The following MORN2 variants were observed in gnomAD, a reference collection of about 807,000 sequenced individuals.
MORN2 encodes the protein MORN repeat-containing protein 2.
A neutral mutation model predicts 13.4 loss-of-function variants in MORN2; 15 were observed. The observed-to-expected ratio is 1.12, with a 90% confidence interval of 0.75 to 1.72. MORN2 has a LOEUF of 1.72. MORN2 is among the 40% of genes most tolerant of loss of function. The pLI is 0.00. For synonymous variants in MORN2, 46 were observed against 43.6 expected, an observed-to-expected ratio of 1.06 and a Z score of -0.22; for missense variants, 168 against 134.6, an observed-to-expected ratio of 1.25 and a Z score of -1.23.
intron 1 of MORN2, among the ~76,000 whole-genome samples, chr2:38,877,013 G>A (rs1388613343): frequency 6.6e-6 from 1 of 152,234 alleles, no homozygotes. Flanking sequence ...ATGAATAGCA[G>A]TTAACCAGGT....
At chr2:38,878,297 G>A (rs1665701345) in intron 1 of MORN2, among the ~76,000 whole-genome samples, 1 of 152,060 alleles carries the variant, frequency 6.6e-6, no homozygotes, top group Non-Finnish European at 1.5e-5. Flanking sequence ...AGCCTAGCTG[G>A]CCTTTGGTCT....
At position 38,880,672 on chromosome 2, in the gene MORN2, G is replaced by T. The variant is rs980754453; in HGVS notation, c.182G>T (p.Gly61Val). 1.9e-6 allele frequency: 3 copies of T among 1,549,742 alleles called. No homozygotes were observed. In the Admixed American group the frequency reaches 5.9e-5, roughly 30 times the overall value. ...ATAGGTATTCATACCACTCCTAATG[G>T]GATTGTCTACACAGGAAGCTGGAAA... Residue 61 changes from glycine (G) to valine (V), a missense_variant, in exon 3 of 5, where the codon GGG becomes GTG. Gly to Val is a moderately radical substitution (Grantham distance 109). Coordinates refer to ENST00000644631, the MANE Select transcript of MORN2 (RefSeq NM_001145450.3).
chr2:38,877,145 A>G (rs910575503), intron 1 of MORN2, among the ~76,000 whole-genome samples: 2 of 152,172 alleles, frequency 1.3e-5, no homozygotes, highest in African/African-American at 4.8e-5. Flanking sequence ...TGACGCCTGT[A>G]GTTCCAGCTA....
At chr2:38,882,306 A>G in intron 4 of MORN2, 107 bp from the exon 5 acceptor site, 1 of 428,588 alleles carries the variant, frequency 2.3e-6, no homozygotes, top group Non-Finnish European at 3.8e-6. Flanking sequence ...GCTTGAAAGT[A>G]GAGGATATAA....
intron 2 of MORN2, 77 bp from the exon 3 acceptor site, chr2:38,880,523 C>T (rs1176700896): frequency 1.2e-6 from 1 of 867,520 alleles, no homozygotes; most frequent in Non-Finnish European, 1.7e-6. Context: ...GCCAAAGAAA[C>T]CCATGAGGTG....
chr2:38,881,658 A>G (rs1665780638), intron 4 of MORN2, 80 bp downstream of exon 4: 4 of 1,128,096 alleles, frequency 3.5e-6, no homozygotes, highest in South Asian at 3.6e-5. Context: ...TTATTTATTT[A>G]TTTATTTATT....
In MORN2 at chr2:38,878,971, G is replaced by A. The variant is rs140639842; in HGVS notation, c.59-1208G>A. On this transcript the variant is annotated intron_variant, in intron 1 of 4. Coordinates refer to ENST00000644631, the MANE Select transcript of MORN2 (RefSeq NM_001145450.3). ...ATTCTGAAGGATGGGCCTGCATACC[G>A]TCTCTACATAAGTTTTCTTCAGTAT... Among the ~76,000 whole-genome samples the A allele has an allele frequency of 2.0e-3, 304 of 152,268 alleles. 2 individuals carry two copies. The highest frequency in any genetic ancestry group is 6.4e-3 in the African/African-American group (266 of 41,550).
rs1199254973 is a variant in MORN2, at chr2:38,882,403, A to C, written c.354-10A>C. The stretch of plus-strand genomic sequence containing the variant: ...TTTGTTAATGGAAAACTTATTTTCT[A>C]CTATTGCAGGGTGGAAGGTGAAGGG... On this transcript the variant is annotated splice_polypyrimidine_tract_variant and intron_variant, in intron 4 of 4. Transcript: ENST00000644631. 1.3e-6 allele frequency: 2 copies of C among 1,517,830 alleles called. No individual in the cohort carries two copies. Among genetic ancestry groups the C allele is most frequent in the Non-Finnish European group, 1.8e-6 (2 of 1,119,504 alleles). 94.0% of individuals were successfully genotyped at this position (1,517,830 alleles called of 1,614,324 possible). A position where few individuals can be genotyped will look rare whatever the true frequency, so the allele number is the denominator to read the frequency against.
At position 38,882,302 on chromosome 2, in the gene MORN2, A is replaced by G. The variant is rs180910017; in HGVS notation, c.354-111A>G. ...TGCTGGGTTTAAAAGCAAAGCTTGA[A>G]AGTAGAGGATATAATCTTCAGACAT... On this transcript the variant is annotated intron_variant, in intron 4 of 4. Coordinates refer to ENST00000644631, the MANE Select transcript of MORN2 (RefSeq NM_001145450.3). 353 of 461,360 alleles carry G rather than the reference A, an allele frequency of 7.7e-4. 3 individuals carry two copies. Among genetic ancestry groups the G allele is most frequent in the South Asian group, 8.3e-4 (10 of 12,060 alleles). 28.6% of individuals were successfully genotyped at this position (461,360 alleles called of 1,614,324 possible).
chr2:38,880,681 A>C lies in MORN2; in HGVS notation c.191A>C (p.Tyr64Ser). 1 of 1,550,226 alleles carries C rather than the reference A, an allele frequency of 6.5e-7. No homozygotes were observed. Among genetic ancestry groups the C allele is most frequent in the Non-Finnish European group, 8.7e-7 (1 of 1,146,836 alleles). ...CATACCACTCCTAATGGGATTGTCT[A>C]CACAGGAAGCTGGAAAGATGACAAG... is the stretch of plus-strand genomic sequence containing the variant. The change falls in exon 3 of 5, where the codon TAC becomes TCC. Residue 64 changes from tyrosine (Y) to serine (S), a missense_variant. Physicochemically the swap from Tyr to Ser is moderately radical, Grantham distance 144. Transcript: ENST00000644631.
Position 38,876,039 on chromosome 2 carries a change from TCCCGGCCGCAGA to T in MORN2, c.-13_-2del, listed in dbSNP as rs1297227289. ...GGAGCTGTCCTAGCGCCTAGTTCTC[TCCCGGCCGCAGA>T]GCTGGCCGCCCAGGGGGAGTCGCAG... On this transcript the variant is annotated 5_prime_UTR_variant, in exon 1 of 5. Coordinates refer to ENST00000644631, the MANE Select transcript of MORN2 (RefSeq NM_001145450.3). 1 of 398,570 alleles carries T rather than the reference TCCCGGCCGCAGA, an allele frequency of 2.5e-6. No homozygotes were observed. The highest frequency in any genetic ancestry group is 4.4e-6 in the Non-Finnish European group (1 of 226,142). 24.7% of individuals were successfully genotyped at this position (398,570 alleles called of 1,614,324 possible).
At chr2:38,877,694 T>C (rs1406130990) in intron 1 of MORN2, among the ~76,000 whole-genome samples, 1 of 152,170 alleles carries the variant, frequency 6.6e-6, no homozygotes, top group African/African-American at 2.4e-5. Context: ...TTGCCCAGGC[T>C]GGTCTCAAAC....
chr2:38,882,599 C>G lies in MORN2; in HGVS notation c.*84C>G, dbSNP rs1665803102. ...CAACTTAATCTGTTATTTGAAATGA[C>G]TTCATACACTACCCCTATAAGTTTG... is the stretch of plus-strand genomic sequence containing the variant. On this transcript the variant is annotated 3_prime_UTR_variant, in exon 5 of 5. Transcript: ENST00000644631. The G allele has an allele frequency of 4.3e-6, 4 of 923,550 alleles. No individual in the cohort carries two copies. The highest frequency in any genetic ancestry group is 6.7e-6 in the Non-Finnish European group (4 of 597,544). The allele number at this position is 923,550 out of a possible 1,614,324, so 57.2% of individuals were successfully genotyped here. A position where few individuals can be genotyped will look rare whatever the true frequency, so the allele number is the denominator to read the frequency against.
intron 1 of MORN2, among the ~76,000 whole-genome samples, chr2:38,876,848 T>C (rs1006312692): frequency 2.0e-5 from 3 of 152,230 alleles, no homozygotes; most frequent in Non-Finnish European, 4.4e-5. Context: ...GCTCATTTAC[T>C]TGATTTGCCC....
intron 1 of MORN2, among the ~76,000 whole-genome samples, chr2:38,879,131 C>T (rs1665720218): frequency 6.6e-6 from 1 of 152,130 alleles, no homozygotes; most frequent in African/African-American, 2.4e-5. Context: ...GTGGACCTAC[C>T]AGCCCTTCCC....
chr2:38,880,718 G>T lies in MORN2; in HGVS notation c.216+12G>T. The stretch of plus-strand genomic sequence containing the variant: ...GGAAAGATGACAAGGTATTATTGTT[G>T]TTTTTAATATTGGCAGTGGATAAAT... On this transcript the variant is annotated intron_variant, in intron 3 of 4. Transcript: ENST00000644631. The T allele has an allele frequency of 6.5e-7, 1 of 1,549,340 alleles. No homozygotes were observed. Among genetic ancestry groups the T allele is most frequent in the Non-Finnish European group, 8.7e-7 (1 of 1,146,464 alleles).
At chr2:38,879,056 C>G (rs1424650226) in intron 1 of MORN2, among the ~76,000 whole-genome samples, 1 of 152,148 alleles carries the variant, frequency 6.6e-6, no homozygotes, top group Non-Finnish European at 1.5e-5. Flanking sequence ...GGCCCAGAGT[C>G]CCCCTCAGTC....
Position 38,881,596 on chromosome 2 carries a change from A to G in MORN2, c.353+18A>G. ...GAAAATAGGTAAGCTTAAAATAAAAAAAAATCACTGCATTTCTAAAAGATT... is the reference window on the plus strand; with the variant it reads ...GAAAATAGGTAAGCTTAAAATAAAAGAAAATCACTGCATTTCTAAAAGATT... On this transcript the variant is annotated intron_variant, in intron 4 of 4. Transcript: ENST00000644631. The G allele has an allele frequency of 6.8e-7, 1 of 1,470,422 alleles. No homozygotes were observed. Among genetic ancestry groups the G allele is most frequent in the Non-Finnish European group, 9.0e-7 (1 of 1,106,030 alleles). 91.1% of individuals were successfully genotyped at this position (1,470,422 alleles called of 1,614,324 possible).
intron 3 of MORN2, 110 bp downstream of exon 3, chr2:38,880,816 T>C (rs1665758328): frequency 4.4e-6 from 5 of 1,144,442 alleles, no homozygotes; most frequent in Non-Finnish European, 6.0e-6. Flanking sequence ...GACTATATAA[T>C]AAAAATAACA....
Sources: gnomAD v4.1 joint callset for allele counts (sites outside exome capture counted in the v4.1 genomes callset) on GRCh38, gnomAD v4.1.1 for gene constraint, MANE v1.5 for transcripts, NCBI Gene and HGNC (gene_info 2026-07-23, HGNC 2026-07-21) for gene names.